Variants in IQGAP3 observed in about 807,000 individuals in gnomAD.
IQGAP3 encodes ras GTPase-activating-like protein IQGAP3.
A neutral mutation model predicts 208.2 loss-of-function variants in IQGAP3; 165 were observed. The observed-to-expected ratio is 0.79, with a 90% CI of 0.70 to 0.90. The LOEUF is 0.90. Ranked by LOEUF, IQGAP3 falls within the 40% of genes least tolerant of loss-of-function variation. The probability of loss-of-function intolerance (pLI) is 0.00; values close to 1 mark genes in which losing one functional copy is unlikely to be tolerated. For missense variants in IQGAP3, 1,811 were observed against 2,043.1 expected (o/e 0.89, Z 2.19); for synonymous variants, 703 against 803.6 (o/e 0.87, Z 2.12).
chr1:156,564,754 G>A, intron 4 of IQGAP3, 63 bp from the exon 5 acceptor site: 1 of 1,172,816 alleles, frequency 8.5e-7, no homozygotes, highest in African/African-American at 1.5e-5. Context: ...AATGCGGAGA[G>A]GGGGTGCCGA....
At chr1:156,551,068 T>A (rs1321854297) in intron 15 of IQGAP3, among the ~76,000 whole-genome samples, 12 of 152,220 alleles carry the variant, frequency 7.9e-5, no homozygotes, top group Admixed American at 7.2e-4. Flanking sequence ...GTAAAGCACA[T>A]AAAATGATGC....
rs756569610 is a variant in IQGAP3, at chr1:156,566,507, C to T, written c.165G>A (p.Pro55=). The change falls in exon 3 of 38, where the codon CCG becomes CCA. Residue 55 remains proline, a synonymous_variant. Transcript: ENST00000361170. The part of the protein sequence containing the change: ...EACLKEELPS[P]VELEESLRNG... ...TCCGAAGGCTCTCCTCCAGCTCCAC[C>T]GGGGAAGGAAGCTCCTCCTTCAGGC... is the stretch of plus-strand genomic sequence containing the variant. 9.3e-6 allele frequency: 15 copies of T among 1,614,018 alleles called. No individual in the cohort carries two copies. Among genetic ancestry groups the T allele is most frequent in the Middle Eastern group, 1.6e-4 (1 of 6,084 alleles).
At chr1:156,549,470 CAAA>C (rs11317404) in intron 16 of IQGAP3, among the ~76,000 whole-genome samples, 10 of 80,204 alleles carry the variant, frequency 1.2e-4, no homozygotes, top group Non-Finnish European at 1.4e-4. Context: ...CACTCTGTCT[CAAA>C]AAAAAAAAAA....
chr1:156,536,256 A>T lies in IQGAP3; in HGVS notation c.3422+925T>A, dbSNP rs190363273. 6.1e-4 allele frequency among the ~76,000 whole-genome samples: 93 copies of T among 152,296 alleles called. 1 individual carries two copies. Among genetic ancestry groups the T allele is most frequent in the African/African-American group, 2.1e-3 (89 of 41,566 alleles). On this transcript the variant is annotated intron_variant, in intron 27 of 37. Coordinates refer to ENST00000361170, the MANE Select transcript of IQGAP3 (RefSeq NM_178229.5). ...GCAATGGAGTGAGACCCTGTCTTAAAAATAATAATAATAAAAAATAAAGAA... is the reference window on the plus strand; with the variant it reads ...GCAATGGAGTGAGACCCTGTCTTAATAATAATAATAATAAAAAATAAAGAA...
intron 1 of IQGAP3, among the ~76,000 whole-genome samples, chr1:156,570,789 C>T (rs543187701): frequency 3.3e-4 from 50 of 152,326 alleles, no homozygotes; most frequent in African/African-American, 7.7e-4. Context: ...GGATTACAGG[C>T]GTGAACCACA....
chr1:156,531,513 C>T (rs140453721), intron 32 of IQGAP3, among the ~76,000 whole-genome samples: 235 of 152,186 alleles, frequency 1.5e-3, no homozygotes, highest in African/African-American at 5.2e-3. Flanking sequence ...TGACACCCAC[C>T]ACCCTCTTGG....
Position 156,539,015 on chromosome 1 carries a change from G to C in IQGAP3, c.3075C>G (p.Pro1025=). ...QEEIKSKVEQ[P]QDVVTGNPTV... ...TTGGGTTGCCTGTCACCACGTCCTG[G>C]GGCTGCTCCACCTTTGACCTGTGGT... The change falls in exon 26 of 38, where the codon CCC becomes CCG. Residue 1025 remains proline (P), a synonymous_variant. Transcript: ENST00000361170. The C allele has an allele frequency of 6.2e-7, 1 of 1,613,878 alleles. No individual in the cohort carries two copies. Among genetic ancestry groups the C allele is most frequent in the East Asian group, 2.2e-5 (1 of 44,862 alleles).
rs771992106 is a variant in IQGAP3, at chr1:156,538,882, T to C, written c.3208A>G (p.Ser1070Gly). 15 of 1,614,068 alleles carry C rather than the reference T, an allele frequency of 9.3e-6. No homozygotes were observed. Among genetic ancestry groups the C allele is most frequent in the Middle Eastern group, 1.6e-4 (1 of 6,084 alleles). Residue 1070 changes from serine to glycine, a missense_variant, in exon 26 of 38, where the codon AGC (serine) becomes GGC (glycine). By Grantham distance (56) the Ser-to-Gly change is moderately conservative (BLOSUM62 0). Coordinates refer to ENST00000361170, the MANE Select transcript of IQGAP3 (RefSeq NM_178229.5). The part of the protein sequence containing the change: ...IQDVLEDKVL[S>G]VHTDPVHLYK... ...AGGTGGACAGGGTCTGTGTGGACGC[T>C]GAGCACTTTGTCTTCTAGCACATCC... is the stretch of plus-strand genomic sequence containing the variant.
chr1:156,537,262 C>T lies in IQGAP3; in HGVS notation c.3341G>A (p.Arg1114Gln), dbSNP rs138382649. Residue 1114 changes from arginine to glutamine, a missense_variant, in exon 27 of 38, where the codon CGA becomes CAA. By Grantham distance (43) the Arg-to-Gln change is conservative. Coordinates refer to ENST00000361170, the MANE Select transcript of IQGAP3 (RefSeq NM_178229.5). ...GAGGTTGCGTAGGGCGATGTCCAGT[C>T]GTCTCTGGACCTCGGGGTGGCTCAA... ...QALSHPEVQR[R>Q]LDIALRNLLA... 95 of 1,613,692 alleles carry T rather than the reference C, an allele frequency of 5.9e-5. No homozygotes were observed. In the Middle Eastern group the frequency reaches 1.5e-3, roughly 25 times the overall value.
intron 37 of IQGAP3, among the ~76,000 whole-genome samples, chr1:156,527,336 G>A (rs1473278717): frequency 2.6e-5 from 4 of 151,822 alleles, no homozygotes; most frequent in Admixed American, 6.6e-5. Flanking sequence ...ACAAAAAGCC[G>A]GTGTGGTGGC....
intron 37 of IQGAP3, among the ~76,000 whole-genome samples, chr1:156,527,138 T>A (rs1223511390): frequency 1.3e-5 from 2 of 150,628 alleles, no homozygotes; most frequent in Admixed American, 6.6e-5. Context: ...GCCAAAATCA[T>A]TTTTCTTACT....
rs1571301118 is a variant in IQGAP3 at position 156,526,270 on chromosome 1, C to T, written c.*216G>A. ...TTTGTCATGCATGATAAAAGCCACACAGCTGGACTCTGGGCAAGGCCCACT... is the reference window on the plus strand; with the variant it reads ...TTTGTCATGCATGATAAAAGCCACATAGCTGGACTCTGGGCAAGGCCCACT... On this transcript the variant is annotated 3_prime_UTR_variant, in exon 38 of 38. Coordinates refer to ENST00000361170, the MANE Select transcript of IQGAP3 (RefSeq NM_178229.5). 1.4e-5 allele frequency: 8 copies of T among 566,908 alleles called. No homozygotes were observed. The highest frequency in any genetic ancestry group is 2.2e-5 in the Non-Finnish European group (7 of 315,908). 35.1% of individuals were successfully genotyped at this position (566,908 alleles called of 1,614,324 possible). A position where few individuals can be genotyped will look rare whatever the true frequency, so the allele number is the denominator to read the frequency against.
chr1:156,543,852 C>T, intron 22 of IQGAP3, 129 bp downstream of exon 22: 4 of 785,080 alleles, frequency 5.1e-6, no homozygotes, highest in Non-Finnish European at 8.9e-6. Context: ...GTTCCATGCT[C>T]CTGCACAGAC....
intron 27 of IQGAP3, 32 bp downstream of exon 27, chr1:156,537,149 T>C: frequency 6.2e-7 from 1 of 1,600,966 alleles, no homozygotes. Flanking sequence ...TGAAATCCCA[T>C]GCGTAGGCTG....
intron 2 of IQGAP3, 103 bp downstream of exon 2, chr1:156,569,273 G>T: frequency 1.4e-6 from 1 of 718,348 alleles, no homozygotes; most frequent in Non-Finnish European, 2.4e-6. Flanking sequence ...CTTTCCCACA[G>T]GATGGACTCT....
Position 156,544,508 on chromosome 1 carries a change from A to C in IQGAP3, c.2305-36T>G, listed in dbSNP as rs200114511. The C allele has an allele frequency of 6.8e-5, 106 of 1,567,596 alleles. No homozygotes were observed. In the African/African-American group the frequency reaches 8.0e-4, roughly 12 times the overall value. On this transcript the variant is annotated intron_variant, in intron 19 of 37. Coordinates refer to ENST00000361170, the MANE Select transcript of IQGAP3 (RefSeq NM_178229.5). ...GGAGAGAAAGGGAAGTAACTCAAGC[A>C]GGTCTCCTTTGGCCAGAAAGGCTTT...
At chr1:156,527,033 A>G (rs41267373) in intron 37 of IQGAP3, among the ~76,000 whole-genome samples, 2,993 of 151,326 alleles carry the variant, frequency 0.02, 69 homozygotes, top group Middle Eastern at 0.031. Context: ...GGGTTTCACT[A>G]TATTGGCCAG....
chr1:156,552,190 C>G, intron 13 of IQGAP3, 95 bp from the exon 14 acceptor site: 1 of 1,423,260 alleles, frequency 7.0e-7, no homozygotes, highest in South Asian at 1.3e-5. Context: ...CACTTGACCT[C>G]CAGGACACCA....
rs755730423 is a variant in IQGAP3, at chr1:156,533,999, A to G, written c.3873+10T>C. 6.2e-7 allele frequency: 1 copy of G among 1,613,266 alleles called. No individual in the cohort carries two copies. The highest frequency in any genetic ancestry group is 8.5e-7 in the Non-Finnish European group (1 of 1,179,750). On this transcript the variant is annotated intron_variant, in intron 30 of 37. Coordinates refer to ENST00000361170, the MANE Select transcript of IQGAP3 (RefSeq NM_178229.5). ...ACCCAGCCAACACCCTCCAGATCTC[A>G]GCCCCTCACCCTGTGCGTGTTGACC...
Sources: gnomAD v4.1 joint callset for allele counts (sites outside exome capture counted in the v4.1 genomes callset) on GRCh38, gnomAD v4.1.1 for gene constraint, MANE v1.5 for transcripts, NCBI Gene and HGNC (gene_info 2026-07-23, HGNC 2026-07-21) for gene names.